Variants in KLHL1 observed in about 807,000 individuals in gnomAD.
The protein encoded by KLHL1 is kelch like family member 1, also known as kelch-like protein 1.
In KLHL1, 47 loss-of-function variants were observed where a neutral mutation model predicts 77.7. The ratio of observed to expected loss-of-function variants is 0.60; its 90% CI spans 0.48 to 0.77. KLHL1 has a LOEUF of 0.77. KLHL1 is among the 30% of genes least tolerant of loss of function. The probability of loss-of-function intolerance (pLI) is 0.00; values close to 1 mark genes in which losing one functional copy is unlikely to be tolerated. For synonymous variants in KLHL1, 360 were observed against 325.2 expected, an observed-to-expected ratio of 1.11 and a Z score of -1.15; for missense variants, 925 against 910.8, an observed-to-expected ratio of 1.02 and a Z score of -0.20.
chr13:69,909,175 G>C (rs1164817024), intron 4 of KLHL1, among the ~76,000 whole-genome samples: 1 of 151,456 alleles, frequency 6.6e-6, no homozygotes, highest in Non-Finnish European at 1.5e-5. Context: ...AAGAGAGAGA[G>C]AGAAAGTGGA....
chr13:69,705,300 C>T lies in KLHL1; in HGVS notation c.2187+2325G>A, dbSNP rs574266505. On this transcript the variant is annotated intron_variant, in intron 10 of 10. Transcript: ENST00000377844. ...TATTTAAAACATACATAGATACACA[C>T]GTGTATCTATACATATGGTGTGTGT... Among the ~76,000 whole-genome samples, 131 of 151,596 alleles carry T rather than the reference C, an allele frequency of 8.6e-4. 2 individuals carry two copies. Among genetic ancestry groups the T allele is most frequent in the African/African-American group, 2.2e-3 (91 of 41,418 alleles).
chr13:69,831,152 C>A (rs1421894646), intron 6 of KLHL1, among the ~76,000 whole-genome samples: 5 of 148,500 alleles, frequency 3.4e-5, no homozygotes, highest in African/African-American at 1.0e-4. Context: ...ATAAGTAAAA[C>A]AAAAAGCTGG....
At chr13:69,964,766 G>C (rs1300596272) in intron 2 of KLHL1, among the ~76,000 whole-genome samples, 1 of 151,820 alleles carries the variant, frequency 6.6e-6, no homozygotes, top group Admixed American at 6.6e-5. Flanking sequence ...TTTATTCATT[G>C]TTATCTATCT....
chr13:69,848,284 G>A (rs1879549698), intron 5 of KLHL1, among the ~76,000 whole-genome samples: 1 of 151,532 alleles, frequency 6.6e-6, no homozygotes, highest in African/African-American at 2.4e-5. Context: ...AAAGCTCGTA[G>A]CACTTCATTA....
At chr13:69,858,911 AT>A (rs1222860842) in intron 5 of KLHL1, among the ~76,000 whole-genome samples, 1 of 152,124 alleles carries the variant, frequency 6.6e-6, no homozygotes, top group Non-Finnish European at 1.5e-5. Flanking sequence ...CTTAATCAAA[AT>A]AAGACATTCT....
intron 7 of KLHL1, among the ~76,000 whole-genome samples, chr13:69,777,090 G>A (rs1875869334): frequency 6.6e-6 from 1 of 151,926 alleles, no homozygotes; most frequent in Non-Finnish European, 1.5e-5. Flanking sequence ...TCTCATGATA[G>A]TAAGTCACAC....
At chr13:70,014,438 C>G (rs917630906) in intron 1 of KLHL1, among the ~76,000 whole-genome samples, 1 of 151,986 alleles carries the variant, frequency 6.6e-6, no homozygotes, top group African/African-American at 2.4e-5. Flanking sequence ...ACTTTTGGTG[C>G]AGTCCATAAT....
At chr13:69,732,243 C>T (rs772926067) in intron 8 of KLHL1, among the ~76,000 whole-genome samples, 9 of 151,960 alleles carry the variant, frequency 5.9e-5, no homozygotes, top group East Asian at 1.9e-4. Flanking sequence ...GAACCATTAA[C>T]GTAAGTATGT....
chr13:70,099,308 C>G (rs941561375), intron 1 of KLHL1, among the ~76,000 whole-genome samples: 1 of 151,332 alleles, frequency 6.6e-6, no homozygotes, highest in Non-Finnish European at 1.5e-5. Flanking sequence ...AATGTAAAGC[C>G]TATGAGCAGT....
intron 1 of KLHL1, among the ~76,000 whole-genome samples, chr13:70,069,393 A>T (rs1887087445): frequency 6.6e-6 from 1 of 152,218 alleles, no homozygotes; most frequent in South Asian, 2.1e-4. Context: ...AGAAACATAA[A>T]GCCTCAGTTT....
chr13:69,975,802 C>T lies in KLHL1; in HGVS notation c.498G>A (p.Arg166=). The change falls in exon 2 of 11, where the codon AGG becomes AGA. Residue 166 remains arginine (R), a splice_region_variant and synonymous_variant. Coordinates refer to ENST00000377844, the MANE Select transcript of KLHL1 (RefSeq NM_020866.3). The stretch of plus-strand genomic sequence containing the variant: ...TCATTGAATGGCCGGTTGATGACAG[C>T]CTATAAACCACACACACACACACAC... ...SQATGEGCGH[R]LSSTGHSMTP... is the part of the protein sequence containing the mutation. 6.3e-7 allele frequency: 1 copy of T among 1,599,732 alleles called. No individual in the cohort carries two copies.
At chr13:69,884,367 A>G (rs1881114344) in intron 4 of KLHL1, among the ~76,000 whole-genome samples, 2 of 151,564 alleles carry the variant, frequency 1.3e-5, no homozygotes, top group South Asian at 4.2e-4. Context: ...ATAGATGCCC[A>G]TAACTGTTCA....
At chr13:69,885,416 T>C (rs893234306) in intron 4 of KLHL1, among the ~76,000 whole-genome samples, 3 of 80,588 alleles carry the variant, frequency 3.7e-5, no homozygotes. Context: ...TATTATTATG[T>C]AGGTGTTATT....
At chr13:70,005,302 G>T (rs193277652) in intron 1 of KLHL1, among the ~76,000 whole-genome samples, 2 of 151,404 alleles carry the variant, frequency 1.3e-5, no homozygotes, top group East Asian at 1.9e-4. Context: ...AAATTAAATT[G>T]ATTAAGATTA....
At chr13:69,844,034 A>G (rs891556308) in intron 5 of KLHL1, among the ~76,000 whole-genome samples, 7 of 151,714 alleles carry the variant, frequency 4.6e-5, no homozygotes, top group African/African-American at 1.2e-4. Context: ...ATGCAAAGAT[A>G]GATAAGGATT....
At chr13:69,989,794 T>G (rs1174496049) in intron 1 of KLHL1, among the ~76,000 whole-genome samples, 1 of 151,996 alleles carries the variant, frequency 6.6e-6, no homozygotes, top group African/African-American at 2.4e-5. Flanking sequence ...ATGCTACTGA[T>G]TTTTGTATAT....
chr13:69,766,875 A>T (rs1455402683), intron 7 of KLHL1, among the ~76,000 whole-genome samples: 1 of 152,216 alleles, frequency 6.6e-6, no homozygotes, highest in Admixed American at 6.5e-5. Flanking sequence ...GACAAGCCTG[A>T]CTGGAATAAA....
intron 1 of KLHL1, among the ~76,000 whole-genome samples, chr13:70,015,681 A>G (rs1885640318): frequency 6.6e-6 from 1 of 152,320 alleles, no homozygotes; most frequent in South Asian, 2.1e-4. Context: ...AGGGTGATGT[A>G]ATTGTTCTGA....
chr13:69,890,879 T>G (rs1400076352), intron 4 of KLHL1, among the ~76,000 whole-genome samples: 4 of 152,072 alleles, frequency 2.6e-5, no homozygotes, highest in African/African-American at 9.7e-5. Context: ...ATTGCTTCTT[T>G]GCATACATTT....
Sources: allele counts gnomAD v4.1 joint callset (sites outside exome capture counted in the v4.1 genomes callset), GRCh38; gene constraint gnomAD v4.1.1; transcripts MANE v1.5; gene names NCBI Gene and HGNC (gene_info 2026-07-23, HGNC 2026-07-21).